RBBP6: variants seen among roughly 807,000 people sequenced by gnomAD.
RBBP6 encodes E3 ubiquitin-protein ligase RBBP6.
Under a neutral mutation model 167.7 loss-of-function variants are expected in RBBP6, and 25 were observed. The ratio of observed to expected loss-of-function variants is 0.15; its 90% CI spans 0.11 to 0.21. The LOEUF (loss-of-function observed/expected upper bound fraction) is 0.21. RBBP6 is among the 10% of genes least tolerant of loss of function. RBBP6 has a pLI of 1.00. For missense variants in RBBP6, 1,868 were observed against 2,134.2 expected (o/e 0.88, Z 2.46); for synonymous variants, 789 against 735.8 (o/e 1.07, Z -1.17).
At chr16:24,547,934 A>G (rs1259697980) in intron 2 of RBBP6, among the ~76,000 whole-genome samples, 2 of 152,236 alleles carry the variant, frequency 1.3e-5, no homozygotes, top group South Asian at 2.1e-4. Flanking sequence ...ACAGAATTAT[A>G]TGTTAATGTA....
rs747736563 is a variant in RBBP6, at chr16:24,571,111, A to G, written c.4045A>G (p.Ile1349Val). ...ISSVGKPASV[I>V]KNVSTKPSNI... Reference sequence around the variant, plus strand: ...AAGTGTAGGAAAACCTGCTAGTGTTATAAAAAATGTTAGTACAAAGCCATC... The same window carrying G: ...AAGTGTAGGAAAACCTGCTAGTGTTGTAAAAAATGTTAGTACAAAGCCATC... The change falls in exon 18 of 18, where the codon ATA becomes GTA. Residue 1349 changes from isoleucine (I) to valine (V), a missense_variant. By Grantham distance (29) the Ile-to-Val change is conservative. Around this residue, in one of 7 missense-constraint regions of RBBP6, gnomAD observed 591 missense variants for 540.5 expected, o/e 1.09. Transcript: ENST00000319715. 3.1e-6 allele frequency: 5 copies of G among 1,612,808 alleles called. No individual in the cohort carries two copies. The highest frequency in any genetic ancestry group is 4.2e-6 in the Non-Finnish European group (5 of 1,179,244).
intron 10 of RBBP6, 132 bp downstream of exon 10, chr16:24,562,293 G>A (rs1448745570): frequency 1.2e-6 from 1 of 857,350 alleles, no homozygotes; most frequent in Admixed American, 2.7e-5. Context: ...CTTGTAAGAA[G>A]TGACTTAGTC....
At position 24,570,727 on chromosome 16, in the gene RBBP6, G is replaced by A. The variant is rs7196506; in HGVS notation, c.3810-149G>A. The A allele has an allele frequency of 0.018, 14,534 of 800,888 alleles. 1,504 individuals are homozygous for A. In the African/African-American group the frequency reaches 0.23, roughly 13 times the overall value. The allele number at this position is 800,888 out of a possible 1,614,324, so 49.6% of individuals were successfully genotyped here. Reference sequence around the variant, plus strand: ...GTTGATACAATCATAATCTTAAATTGTGTGTCTTCCTTAGGGCAGAATAAG... The same window carrying A: ...GTTGATACAATCATAATCTTAAATTATGTGTCTTCCTTAGGGCAGAATAAG... On this transcript the variant is annotated intron_variant, in intron 17 of 17. Coordinates refer to ENST00000319715, the MANE Select transcript of RBBP6 (RefSeq NM_006910.5).
intron 1 of RBBP6, among the ~76,000 whole-genome samples, chr16:24,543,669 A>C (rs1396883240): frequency 1.3e-5 from 2 of 152,088 alleles, no homozygotes; most frequent in Non-Finnish European, 2.9e-5. Flanking sequence ...TTAGACAAGA[A>C]TCCTGCTTGT....
intron 14 of RBBP6, among the ~76,000 whole-genome samples, chr16:24,565,649 C>A (rs11642048): frequency 0.15 from 23,220 of 150,416 alleles, 1,860 homozygotes; most frequent in South Asian, 0.21. Flanking sequence ...ACAGTTTTTA[C>A]CCCCCTGCCC....
chr16:24,555,686 T>C lies in RBBP6; in HGVS notation c.420T>C (p.His140=), dbSNP rs370277613. 1.4e-5 allele frequency: 23 copies of C among 1,613,650 alleles called. No individual in the cohort carries two copies. Among genetic ancestry groups the C allele is most frequent in the Non-Finnish European group, 1.9e-5 (22 of 1,179,700 alleles). Residue 140 remains histidine, a synonymous_variant, in exon 5 of 18, where the codon CAT becomes CAC. Coordinates refer to ENST00000319715, the MANE Select transcript of RBBP6 (RefSeq NM_006910.5). ...AAGCAATGATGTCGCAATCTGGCCA[T>C]GAATACGACCCAATCAAGTAAGTTC... is the stretch of plus-strand genomic sequence containing the variant. ...KIKAMMSQSG[H]EYDPINYMKK... is the part of the protein sequence containing the mutation.
rs1428237316 is a variant in RBBP6 at position 24,556,027 on chromosome 16, T to C, written c.534+110T>C. The C allele has an allele frequency of 3.4e-5, 37 of 1,082,014 alleles. No homozygotes were observed. The East Asian group carries it at 9.5e-4, about 28-fold the overall frequency. 67.0% of individuals were successfully genotyped at this position (1,082,014 alleles called of 1,614,324 possible). On this transcript the variant is annotated intron_variant, in intron 6 of 17. Transcript: ENST00000319715. ...ACTGCCTTCTGTAGACAATGGCAAA[T>C]GAGCATGGTCTCTGGAGCCAAATTT...
rs374497166 is a variant in RBBP6, at chr16:24,570,536, G to A, written c.3809+37G>A. Reference sequence around the variant, plus strand: ...TAGGGGGTGGGTGTGGAACTTTGTTGGGAGAAGGATTTTCTTCAGTTTTAT... The same window carrying A: ...TAGGGGGTGGGTGTGGAACTTTGTTAGGAGAAGGATTTTCTTCAGTTTTAT... On this transcript the variant is annotated intron_variant, in intron 17 of 17. Transcript: ENST00000319715. The A allele has an allele frequency of 7.4e-6, 11 of 1,486,774 alleles. No homozygotes were observed. In the African/African-American group the frequency reaches 1.6e-4, roughly 21 times the overall value. 92.1% of individuals were successfully genotyped at this position (1,486,774 alleles called of 1,614,324 possible).
At chr16:24,568,717 A>G (rs761893920) in intron 16 of RBBP6, 28 bp from the exon 17 acceptor site, 8 of 1,580,724 alleles carry the variant, frequency 5.1e-6, no homozygotes, top group South Asian at 2.3e-5. Context: ...TTTCTCAACT[A>G]TCAACTATTG....
Position 24,571,198 on chromosome 16 carries a change from A to G in RBBP6, c.4132A>G (p.Lys1378Glu), listed in dbSNP as rs1899321835. 4 of 1,614,114 alleles carry G rather than the reference A, an allele frequency of 2.5e-6. No individual in the cohort carries two copies. Among genetic ancestry groups the G allele is most frequent in the Non-Finnish European group, 3.4e-6 (4 of 1,179,968 alleles). ...EPSEKIQKFT[K>E]DVSHEIIQHE... ...ATCCGAGAAAATTCAGAAATTCACC[A>G]AGGACGTGAGCCATGAAATCATACA... The change falls in exon 18 of 18, where the codon AAG becomes GAG. Residue 1378 changes from lysine (K) to glutamate (E), a missense_variant. By Grantham distance (56) the Lys-to-Glu change is moderately conservative. This residue lies in a region of RBBP6 where 591 missense variants were observed against 540.5 expected (regional missense o/e 1.09). Transcript: ENST00000319715.
At chr16:24,544,796 C>T (rs1898595818) in intron 1 of RBBP6, among the ~76,000 whole-genome samples, 1 of 152,080 alleles carries the variant, frequency 6.6e-6, no homozygotes, top group Admixed American at 6.5e-5. Flanking sequence ...CATTCTTCTC[C>T]CTCTTGGTTT....
At position 24,561,912 on chromosome 16, in the gene RBBP6, G is replaced by A. The variant is rs1241725414; in HGVS notation, c.1040G>A (p.Arg347Lys). 1 of 1,613,660 alleles carries A rather than the reference G, an allele frequency of 6.2e-7. No individual in the cohort carries two copies. Among genetic ancestry groups the A allele is most frequent in the Non-Finnish European group, 8.5e-7 (1 of 1,179,766 alleles). ...PPPPPPIPPP[R>K]PLIQRNLQPL... ...CCACCACCCCCAATACCACCTCCGA[G>A]ACCACTGATTCAGAGGAACCTACAA... Residue 347 changes from arginine to lysine, a missense_variant, in exon 10 of 18, where the codon AGA becomes AAA. Around this residue, in one of 7 missense-constraint regions of RBBP6, gnomAD observed 245 missense variants for 240.1 expected, o/e 1.02. Coordinates refer to ENST00000319715, the MANE Select transcript of RBBP6 (RefSeq NM_006910.5).
At chr16:24,561,060 G>A (rs1375250937) in intron 8 of RBBP6, among the ~76,000 whole-genome samples, 2 of 144,808 alleles carry the variant, frequency 1.4e-5, no homozygotes, top group African/African-American at 5.2e-5. Context: ...GTAATTTAGT[G>A]TTGCTCCCAC....
intron 3 of RBBP6, among the ~76,000 whole-genome samples, chr16:24,551,989 G>C (rs1020289541): frequency 6.6e-6 from 1 of 151,554 alleles, no homozygotes; most frequent in African/African-American, 2.4e-5. Flanking sequence ...TACCACTTGA[G>C]ATTAGTTCTT....
At chr16:24,541,174 C>T (rs1349529797) in intron 1 of RBBP6, among the ~76,000 whole-genome samples, 29 of 88,768 alleles carry the variant, frequency 3.3e-4, no homozygotes, top group Middle Eastern at 7.8e-3. Context: ...CTTGTTTGTT[C>T]AATCAGCAAA....
intron 2 of RBBP6, 42 bp from the exon 3 acceptor site, chr16:24,548,903 T>C: frequency 6.7e-7 from 1 of 1,503,616 alleles, no homozygotes; most frequent in Middle Eastern, 1.7e-4. Flanking sequence ...CAAAAATTCA[T>C]AAATAGCTAA....
chr16:24,567,078 A>G, intron 14 of RBBP6, 65 bp from the exon 15 acceptor site: 2 of 1,490,748 alleles, frequency 1.3e-6, no homozygotes, highest in Non-Finnish European at 9.1e-7. Context: ...GATAGAAGAG[A>G]TAAGCTTACT....
chr16:24,543,213 A>T (rs568970198), intron 1 of RBBP6, among the ~76,000 whole-genome samples: 26 of 152,234 alleles, frequency 1.7e-4, no homozygotes, highest in Admixed American at 1.2e-3. Flanking sequence ...TTATAATTTT[A>T]AAATCCCTAA....
rs776403497 is a variant in RBBP6 at position 24,540,707 on chromosome 16, C to T, written c.81C>T (p.Cys27=). The change falls in exon 1 of 18, where the codon TGC becomes TGT. Residue 27 remains cysteine, a synonymous_variant. Coordinates refer to ENST00000319715, the MANE Select transcript of RBBP6 (RefSeq NM_006910.5). ...VTFDGLHISL[C]DLKKQIMGRE... The stretch of plus-strand genomic sequence containing the variant: ...TTGATGGGCTCCACATCTCCCTCTG[C>T]GACTTAAAGAAGCAGATTATGGGGA... 1 of 1,614,124 alleles carries T rather than the reference C, an allele frequency of 6.2e-7. No homozygotes were observed. Among genetic ancestry groups the T allele is most frequent in the Non-Finnish European group, 8.5e-7 (1 of 1,180,042 alleles).
Sources: allele counts gnomAD v4.1 joint callset (sites outside exome capture counted in the v4.1 genomes callset), GRCh38; gene constraint gnomAD v4.1.1; regional missense constraint gnomAD v4.1.1; transcripts MANE v1.5; gene names NCBI Gene and HGNC (gene_info 2026-07-23, HGNC 2026-07-21).